NRG3: variants seen among roughly 807,000 people sequenced by gnomAD.
NRG3 encodes the protein neuregulin 3.
In NRG3, 31 loss-of-function variants were observed where a neutral mutation model predicts 66.9. The ratio of observed to expected loss-of-function variants is 0.46; its 90% confidence interval spans 0.35 to 0.63. The LOEUF is 0.63. NRG3 is among the 20% of genes least tolerant of loss of function. The pLI is 0.00. For missense variants in NRG3, 910 were observed against 878.9 expected (o/e 1.04, Z -0.45); for synonymous variants, 393 against 359.4 (o/e 1.09, Z -1.06).
chr10:82,611,081 A>G (rs190176215), intron 2 of NRG3, among the ~76,000 whole-genome samples: 11 of 152,136 alleles, frequency 7.2e-5, no homozygotes, highest in African/African-American at 2.6e-4. Flanking sequence ...TTTTATACAG[A>G]AACACCTATT....
chr10:82,525,500 G>T (rs554218328), intron 2 of NRG3, among the ~76,000 whole-genome samples: 1 of 151,806 alleles, frequency 6.6e-6, no homozygotes, highest in Non-Finnish European at 1.5e-5. Flanking sequence ...CACAAACTAT[G>T]AATTTATGAT....
At chr10:82,867,333 C>T (rs896944653) in intron 4 of NRG3, among the ~76,000 whole-genome samples, 2 of 152,150 alleles carry the variant, frequency 1.3e-5, no homozygotes, top group Non-Finnish European at 2.9e-5. Context: ...ATACCCAATG[C>T]TTAAAAGACT....
chr10:82,232,390 T>C (rs545677186), intron 1 of NRG3: 1 of 173,156 alleles, frequency 5.8e-6, no homozygotes, highest in African/African-American at 2.4e-5. Context: ...TTTTCTGTGA[T>C]CTTTGGAGGA....
intron 1 of NRG3, among the ~76,000 whole-genome samples, chr10:82,281,428 T>C (rs1422191224): frequency 1.3e-5 from 2 of 152,110 alleles, no homozygotes; most frequent in African/African-American, 2.4e-5. Flanking sequence ...CCTGGGGTAC[T>C]AGATAAGATG....
chr10:82,663,068 G>C lies in NRG3; in HGVS notation c.954-75509G>C, dbSNP rs146481727. On this transcript the variant is annotated intron_variant, in intron 2 of 8. Transcript: ENST00000372141. ...ATTGCCATTATAAATAAAAAACCAT[G>C]TTCTCTTACCAAGAAAGGAGAATAA... Among the ~76,000 whole-genome samples the C allele has an allele frequency of 8.8e-3, 1,336 of 152,288 alleles. 22 individuals are homozygous for C. The highest frequency in any genetic ancestry group is 0.031 in the African/African-American group (1,291 of 41,550).
rs562856088 is a variant in NRG3, at chr10:82,763,331, G to C, written c.1027+24681G>C. Among the ~76,000 whole-genome samples, 4 of 152,206 alleles carry C rather than the reference G, an allele frequency of 2.6e-5. No homozygotes were observed. The South Asian group carries it at 8.3e-4, about 32-fold the overall frequency. On this transcript the variant is annotated intron_variant, in intron 3 of 8. Transcript: ENST00000372141. ...ATCCTGAAATGCAGAAAGTATTAAAGAAATATCCATTTATCCTTAAAGACT... is the reference window on the plus strand; with the variant it reads ...ATCCTGAAATGCAGAAAGTATTAAACAAATATCCATTTATCCTTAAAGACT...
intron 6 of NRG3, among the ~76,000 whole-genome samples, chr10:82,959,643 T>G (rs1025507443): frequency 3.9e-5 from 6 of 152,192 alleles, no homozygotes; most frequent in African/African-American, 1.4e-4. Context: ...AGCCAGAACA[T>G]GCAGGAAGAA....
At chr10:82,955,873 C>T (rs1241988791) in intron 5 of NRG3, among the ~76,000 whole-genome samples, 1 of 151,898 alleles carries the variant, frequency 6.6e-6, no homozygotes, top group African/African-American at 2.4e-5. Context: ...TGTTTACCTC[C>T]AATGATGCAT....
chr10:82,476,511 T>C (rs1192338407), intron 2 of NRG3, among the ~76,000 whole-genome samples: 1 of 152,210 alleles, frequency 6.6e-6, no homozygotes, highest in African/African-American at 2.4e-5. Context: ...CACAATGGAA[T>C]ATTGTTCAGC....
intron 1 of NRG3, among the ~76,000 whole-genome samples, chr10:82,357,568 G>A (rs2083861137): frequency 6.6e-6 from 1 of 152,198 alleles, no homozygotes; most frequent in South Asian, 2.1e-4. Context: ...GACTCTGCAA[G>A]CCCTGAGGCA....
chr10:82,203,545 G>T (rs2074958864), intron 1 of NRG3, among the ~76,000 whole-genome samples: 1 of 152,100 alleles, frequency 6.6e-6, no homozygotes, highest in Non-Finnish European at 1.5e-5. Context: ...TAAAGACTAG[G>T]CTTAGAAATT....
chr10:82,023,718 G>C (rs1176113276), intron 1 of NRG3, among the ~76,000 whole-genome samples: 1 of 120,086 alleles, frequency 8.3e-6, no homozygotes, highest in East Asian at 2.4e-4. Context: ...ATTATGGCAA[G>C]TCAATTTTTT....
intron 1 of NRG3, among the ~76,000 whole-genome samples, chr10:82,327,174 A>AGACTCTCATCTCAGAAGCAT (rs2081915566): frequency 6.6e-6 from 1 of 152,170 alleles, no homozygotes; most frequent in Non-Finnish European, 1.5e-5. Flanking sequence ...CTAGAATCTT[A>AGACTCTCATCTCAGAAGCAT]GACTCTCATC....
intron 1 of NRG3, among the ~76,000 whole-genome samples, chr10:82,080,613 A>G (rs2065337270): frequency 6.6e-6 from 1 of 152,180 alleles, no homozygotes; most frequent in Admixed American, 6.5e-5. Context: ...TGAGTAACTA[A>G]GTTTCAAAGG....
chr10:82,683,283 C>T (rs897932138), intron 2 of NRG3, among the ~76,000 whole-genome samples: 13 of 151,860 alleles, frequency 8.6e-5, no homozygotes, highest in African/African-American at 2.4e-4. Context: ...TTTCTCCCTC[C>T]CTCCCTTTAT....
intron 4 of NRG3, among the ~76,000 whole-genome samples, chr10:82,883,201 G>T (rs1159759106): frequency 6.6e-6 from 1 of 152,002 alleles, no homozygotes; most frequent in Non-Finnish European, 1.5e-5. Flanking sequence ...AAAAAGTCAT[G>T]TTTTTGTTAT....
intron 1 of NRG3, among the ~76,000 whole-genome samples, chr10:82,011,980 G>A (rs2061597404): frequency 6.6e-6 from 1 of 152,132 alleles, no homozygotes; most frequent in Non-Finnish European, 1.5e-5. Flanking sequence ...TATTCTCATG[G>A]CTCCACTAGG....
chr10:82,544,433 G>T (rs564767646), intron 2 of NRG3, among the ~76,000 whole-genome samples: 2 of 152,136 alleles, frequency 1.3e-5, no homozygotes, highest in South Asian at 4.2e-4. Context: ...CATTTCCCCT[G>T]CCCTACAACT....
At chr10:81,919,506 A>G (rs985280203) in intron 1 of NRG3, among the ~76,000 whole-genome samples, 1 of 147,948 alleles carries the variant, frequency 6.8e-6, no homozygotes, top group African/African-American at 2.6e-5. Context: ...ATTTTCATTA[A>G]CTTCATCATC....
Sources: allele counts gnomAD v4.1 joint callset (sites outside exome capture counted in the v4.1 genomes callset), GRCh38; gene constraint gnomAD v4.1.1; transcripts MANE v1.5; gene names NCBI Gene and HGNC (gene_info 2026-07-23, HGNC 2026-07-21).